Variants in KISS1R observed in about 807,000 individuals in gnomAD.
KISS1R encodes KISS1 receptor.
Under a neutral mutation model 22.0 loss-of-function variants are expected in KISS1R, and 19 were observed. That is an observed-to-expected ratio of 0.86 (90% CI 0.60 to 1.26). The LOEUF is 1.26. Among genes scored for constraint, KISS1R ranks in the 50% most tolerant of loss-of-function variants. The pLI, the probability that KISS1R is intolerant of heterozygous loss-of-function variation, is 0.00. For missense variants in KISS1R, 653 were observed against 581.9 expected (o/e 1.12, Z -1.26); for synonymous variants, 302 against 283.9 (o/e 1.06, Z -0.64).
intron 2 of KISS1R, 125 bp downstream of exon 2, chr19:918,793 G>A (rs1205733120): frequency 1.8e-5 from 6 of 340,398 alleles, no homozygotes; most frequent in Non-Finnish European, 3.4e-5. Flanking sequence ...GAGGGGAGGG[G>A]ATCGTACGTG....
intron 2 of KISS1R, among the ~76,000 whole-genome samples, chr19:919,029 A>C (rs2037088251): frequency 6.9e-6 from 1 of 145,580 alleles, no homozygotes; most frequent in Admixed American, 6.9e-5. Context: ...GTGGGAAGGG[A>C]GGACGGACCT....
In KISS1R at chr19:919,884, G is replaced by A. The variant is rs756381168; in HGVS notation, c.516G>A (p.Ala172=). 1.4e-5 allele frequency: 22 copies of A among 1,538,972 alleles called. No individual in the cohort carries two copies. The highest frequency in any genetic ancestry group is 1.7e-5 in the Non-Finnish European group (20 of 1,147,226). Residue 172 remains alanine (A), a synonymous_variant, in exon 4 of 5, where the codon GCG becomes GCA. Coordinates refer to ENST00000234371, the MANE Select transcript of KISS1R (RefSeq NM_032551.5). ...VSLSIWVGSA[A]VSAPVLALHR... is the part of the protein sequence containing the mutation. Reference sequence around the variant, plus strand: ...TGGCTTGTGGCACAGGCTCTGCGGCGGTGTCTGCGCCGGTGCTCGCCCTGC... The same window carrying A: ...TGGCTTGTGGCACAGGCTCTGCGGCAGTGTCTGCGCCGGTGCTCGCCCTGC...
chr19:917,748 T>C lies in KISS1R; in HGVS notation c.244+2T>C. ...GGACCGTGACCAACTTCTACATCGG[T>C]GAGTGCGGGCGCTGCGCCGCACCTG... On this transcript the variant is annotated splice_donor_variant, in intron 1 of 4. Transcript: ENST00000234371. LOFTEE classifies it high-confidence loss of function. 1 of 1,601,720 alleles carries C rather than the reference T, an allele frequency of 6.2e-7. No homozygotes were observed. Among genetic ancestry groups the C allele is most frequent in the Non-Finnish European group, 8.5e-7 (1 of 1,174,102 alleles).
chr19:919,831 GCTGGTTCCCCGAGCGGGGTCTTCATC>G lies in KISS1R; in HGVS notation c.506-38_506-13del. 1 of 1,522,592 alleles carries G rather than the reference GCTGGTTCCCCGAGCGGGGTCTTCATC, an allele frequency of 6.6e-7. No homozygotes were observed. The highest frequency in any genetic ancestry group is 8.8e-7 in the Non-Finnish European group (1 of 1,134,326). The allele number at this position is 1,522,592 out of a possible 1,614,324, so 94.3% of individuals were successfully genotyped here. On this transcript the variant is annotated splice_polypyrimidine_tract_variant and intron_variant, in intron 3 of 4. Coordinates refer to ENST00000234371, the MANE Select transcript of KISS1R (RefSeq NM_032551.5). ...CTCCCGGGGAGGCACGTGGGGGACC[GCTGGTTCCCCGAGCGGGGTCTTCATC>G]CTGGCTTGTGGCACAGGCTCTGCGG...
chr19:917,399 G>A lies in KISS1R; in HGVS notation c.-104G>A. 6.1e-6 allele frequency: 8 copies of A among 1,307,466 alleles called. No homozygotes were observed. The highest frequency in any genetic ancestry group is 7.9e-6 in the Non-Finnish European group (8 of 1,015,124). 81.0% of individuals were successfully genotyped at this position (1,307,466 alleles called of 1,614,324 possible). On this transcript the variant is annotated 5_prime_UTR_variant, in exon 1 of 5. Coordinates refer to ENST00000234371, the MANE Select transcript of KISS1R (RefSeq NM_032551.5). ...GCGGACCCCAGCCGAGCCCCTTCCTGAGTTCCACAGGCGCAGCCCCCGGGC... is the reference window on the plus strand; with the variant it reads ...GCGGACCCCAGCCGAGCCCCTTCCTAAGTTCCACAGGCGCAGCCCCCGGGC...
In KISS1R at chr19:918,584, C is replaced by A; in HGVS notation, c.285C>A (p.Cys95Ter). The change falls in exon 2 of 5, where the codon TGC becomes TGA. Residue 95 changes from cysteine to a stop codon, truncating the protein, a stop_gained. Transcript: ENST00000234371. LOFTEE classifies it high-confidence loss of function. ...CGGACGTGACCTTCCTCCTGTGCTGCGTCCCCTTCACGGCCCTGCTGTACC... is the reference window on the plus strand; with the variant it reads ...CGGACGTGACCTTCCTCCTGTGCTGAGTCCCCTTCACGGCCCTGCTGTACC... ...AATDVTFLLC[C>*]VPFTALLYPL... 1 of 1,551,494 alleles carries A rather than the reference C, an allele frequency of 6.4e-7. No homozygotes were observed. Among genetic ancestry groups the A allele is most frequent in the Non-Finnish European group, 8.7e-7 (1 of 1,147,300 alleles).
intron 2 of KISS1R, 29 bp downstream of exon 2, chr19:918,697 C>A: frequency 6.5e-7 from 1 of 1,535,574 alleles, no homozygotes; most frequent in Non-Finnish European, 8.8e-7. Context: ...GGGGAGAGGG[C>A]GCACTTGGGG....
chr19:920,282 C>A lies in KISS1R; in HGVS notation c.739-8C>A. 3 of 1,567,980 alleles carry A rather than the reference C, an allele frequency of 1.9e-6. No individual in the cohort carries two copies. Among genetic ancestry groups the A allele is most frequent in the South Asian group, 2.3e-5 (2 of 86,810 alleles). Reference sequence around the variant, plus strand: ...TTTCGTCTAACCACCTTCACGGCACCCCCCCAGGGGCAGGTGCTGGCAGAG... The same window carrying A: ...TTTCGTCTAACCACCTTCACGGCACACCCCCAGGGGCAGGTGCTGGCAGAG... On this transcript the variant is annotated splice_polypyrimidine_tract_variant and splice_region_variant and intron_variant, in intron 4 of 4. Coordinates refer to ENST00000234371, the MANE Select transcript of KISS1R (RefSeq NM_032551.5).
chr19:919,625 G>A lies in KISS1R; in HGVS notation c.505G>A (p.Gly169Ser). ...ALAVSLSIWV[G>S]SAAVSAPVLA... Reference sequence around the variant, plus strand: ...GGCTGTCAGCCTCAGCATCTGGGTAGGTGAGTACAGCTCAGGGGCCTCACG... The same window carrying A: ...GGCTGTCAGCCTCAGCATCTGGGTAAGTGAGTACAGCTCAGGGGCCTCACG... The change falls in exon 3 of 5, where the codon GGC becomes AGC. Residue 169 changes from glycine to serine, a missense_variant and splice_region_variant. Physicochemically the swap from Gly to Ser is moderately conservative, Grantham distance 56. Coordinates refer to ENST00000234371, the MANE Select transcript of KISS1R (RefSeq NM_032551.5). 2 of 1,550,350 alleles carry A rather than the reference G, an allele frequency of 1.3e-6. No individual in the cohort carries two copies. The highest frequency in any genetic ancestry group is 1.7e-6 in the Non-Finnish European group (2 of 1,151,646).
At chr19:917,820 T>A in intron 1 of KISS1R, 74 bp downstream of exon 1, 1 of 1,488,248 alleles carries the variant, frequency 6.7e-7, no homozygotes, top group African/African-American at 1.4e-5. Flanking sequence ...GGGCGCCCTC[T>A]CGCGACGCAT....
In KISS1R at chr19:919,584, C is replaced by T. The variant is rs1239173061; in HGVS notation, c.464C>T (p.Thr155Met). 3.2e-6 allele frequency: 5 copies of T among 1,554,948 alleles called. No individual in the cohort carries two copies. The highest frequency in any genetic ancestry group is 4.8e-5 in the East Asian group (2 of 42,062). The change falls in exon 3 of 5, where the codon ACG (threonine) becomes ATG (methionine). Residue 155 changes from threonine (T) to methionine (M), a missense_variant. Thr to Met is a moderately conservative substitution (Grantham distance 81). Transcript: ENST00000234371. ...VFPLRALHRR[T>M]PRLALAVSLS... is the part of the protein sequence containing the mutation. ...CCGTTGCGCGCCCTGCACCGCCGCA[C>T]GCCCCGCCTGGCGCTGGCTGTCAGC...
chr19:919,802 A>C, intron 3 of KISS1R, 72 bp from the exon 4 acceptor site: 1 of 1,494,544 alleles, frequency 6.7e-7, no homozygotes, highest in Admixed American at 2.0e-5. Context: ...GGCTGGGTGA[A>C]CGCCTCCCGG....
In KISS1R at chr19:920,798, G is replaced by C; in HGVS notation, c.*50G>C. ...GCTCCCTCGGGAGCGGGGACTGCTG[G>C]AACAGCGGCTATTCTTCTGTTATTA... On this transcript the variant is annotated 3_prime_UTR_variant, in exon 5 of 5. Coordinates refer to ENST00000234371, the MANE Select transcript of KISS1R (RefSeq NM_032551.5). 8.0e-7 allele frequency: 1 copy of C among 1,245,438 alleles called. No homozygotes were observed. Among genetic ancestry groups the C allele is most frequent in the Non-Finnish European group, 1.0e-6 (1 of 995,654 alleles). The allele number at this position is 1,245,438 out of a possible 1,614,324, so 77.1% of individuals were successfully genotyped here.
Position 919,960 on chromosome 19 carries a change from C to G in KISS1R, c.592C>G (p.Arg198Gly), listed in dbSNP as rs1250724214. The G allele has an allele frequency of 6.4e-7, 1 of 1,571,312 alleles. No individual in the cohort carries two copies. Among genetic ancestry groups the G allele is most frequent in the Non-Finnish European group, 8.6e-7 (1 of 1,161,604 alleles). Reference sequence around the variant, plus strand: ...CTACTGCAGTGAGGCCTTCCCCAGCCGCGCCCTGGAGCGCGCCTTCGCACT... The same window carrying G: ...CTACTGCAGTGAGGCCTTCCCCAGCGGCGCCCTGGAGCGCGCCTTCGCACT... ...RAYCSEAFPS[R>G]ALERAFALYN... Residue 198 changes from arginine (R) to glycine (G), a missense_variant, in exon 4 of 5, where the codon CGC becomes GGC. Physicochemically the swap from Arg to Gly is moderately radical, Grantham distance 125. Transcript: ENST00000234371.
In KISS1R at chr19:920,753, A is replaced by T. The variant is rs1490642713; in HGVS notation, c.*5A>T. ...GAGGACAACGCCCCTCTCTGAGCGG[A>T]CCCGGTGGGAATCCGAGCGGCTCCC... On this transcript the variant is annotated 3_prime_UTR_variant, in exon 5 of 5. Transcript: ENST00000234371. The T allele has an allele frequency of 3.1e-6, 4 of 1,276,618 alleles. No individual in the cohort carries two copies. The highest frequency in any genetic ancestry group is 4.0e-6 in the Non-Finnish European group (4 of 1,012,422). The allele number at this position is 1,276,618 out of a possible 1,614,324, so 79.1% of individuals were successfully genotyped here.
In KISS1R at chr19:920,381, G is replaced by T. The variant is rs1381285451; in HGVS notation, c.830G>T (p.Gly277Val). The change falls in exon 5 of 5, where the codon GGC becomes GTC. Residue 277 changes from glycine to valine, a missense_variant. By Grantham distance (109) the Gly-to-Val change is moderately radical. Coordinates refer to ENST00000234371, the MANE Select transcript of KISS1R (RefSeq NM_032551.5). ...GTCCTGCTCTTCGCCGCCTGCTGGGGCCCCATCCAGCTGTTCCTGGTGCTG... is the reference window on the plus strand; with the variant it reads ...GTCCTGCTCTTCGCCGCCTGCTGGGTCCCCATCCAGCTGTTCCTGGTGCTG... ...AVVLLFAACW[G>V]PIQLFLVLQA... 6 of 1,590,814 alleles carry T rather than the reference G, an allele frequency of 3.8e-6. No homozygotes were observed. The highest frequency in any genetic ancestry group is 1.3e-5 in the African/African-American group (1 of 74,134).
intron 4 of KISS1R, 54 bp downstream of exon 4, chr19:920,160 G>A (rs1340276895): frequency 7.4e-6 from 11 of 1,476,922 alleles, no homozygotes; most frequent in Non-Finnish European, 9.8e-6. Flanking sequence ...GAGGCACCGT[G>A]GTGGGAGGCG....
intron 2 of KISS1R, among the ~76,000 whole-genome samples, 156 bp from the exon 3 acceptor site, chr19:919,334 C>T (rs868845673): frequency 6.6e-6 from 1 of 152,184 alleles, no homozygotes; most frequent in South Asian, 2.1e-4. Flanking sequence ...GTCTCCCCAC[C>T]TTCTGTCCCC....
chr19:919,682 C>T, intron 3 of KISS1R, 57 bp downstream of exon 3: 1 of 1,536,254 alleles, frequency 6.5e-7, no homozygotes. Flanking sequence ...GTGCCCTGGG[C>T]GCCCGGAGCC....
Sources: gnomAD v4.1 joint callset for allele counts (sites outside exome capture counted in the v4.1 genomes callset) on GRCh38, gnomAD v4.1.1 for gene constraint, MANE v1.5 for transcripts, NCBI Gene and HGNC (gene_info 2026-07-23, HGNC 2026-07-21) for gene names.